The following GCNT3 variants were observed in gnomAD, a reference collection of about 807,000 sequenced individuals.
GCNT3 encodes glucosaminyl (N-acetyl) transferase 3, mucin type.
For synonymous variants in GCNT3, 269 were observed against 195.2 expected, an observed-to-expected ratio of 1.38 and a Z score of -3.15; for missense variants, 708 against 530.3, an observed-to-expected ratio of 1.34 and a Z score of -3.29.
rs2082737244 is a variant in GCNT3, at chr15:59,619,468, C to T, written c.1230C>T (p.Asn410=). ...WMLQNHHLLA[N]KFDPKVDDNA... is the part of the protein sequence containing the mutation. Reference sequence around the variant, plus strand: ...TTCAAAACCATCACCTGTTGGCCAACAAGTTTGACCCAAAGGTAGATGATA... The same window carrying T: ...TTCAAAACCATCACCTGTTGGCCAATAAGTTTGACCCAAAGGTAGATGATA... Residue 410 remains asparagine (N), a synonymous_variant, in exon 3 of 3, where the codon AAC becomes AAT. Transcript: ENST00000396065. The T allele has an allele frequency of 6.2e-7, 1 of 1,614,106 alleles. No homozygotes were observed. The highest frequency in any genetic ancestry group is 8.5e-7 in the Non-Finnish European group (1 of 1,179,988).
rs2082730343 is a variant in GCNT3 at position 59,618,467 on chromosome 15, G to A, written c.229G>A (p.Asp77Asn). 1.2e-6 allele frequency: 2 copies of A among 1,614,110 alleles called. No individual in the cohort carries two copies. ...CAACTGTTCAGGGGTCACCCGAGGG[G>A]ACCAAGAGGCAGTGCTTCAGGCTAT... is the stretch of plus-strand genomic sequence containing the variant. The part of the protein sequence containing the change: ...SINCSGVTRG[D>N]QEAVLQAILN... The change falls in exon 3 of 3, where the codon GAC becomes AAC. Residue 77 changes from aspartate (D) to asparagine (N), a missense_variant. Asp to Asn is a conservative substitution (Grantham distance 23). Transcript: ENST00000396065.
chr15:59,617,453 A>G (rs2082725149), intron 2 of GCNT3, among the ~76,000 whole-genome samples: 1 of 152,032 alleles, frequency 6.6e-6, no homozygotes, highest in African/African-American at 2.4e-5. Context: ...AATACATTTC[A>G]GATTGGTTGT....
At chr15:59,612,204 G>T (rs2082699431) in intron 1 of GCNT3, among the ~76,000 whole-genome samples, 1 of 152,170 alleles carries the variant, frequency 6.6e-6, no homozygotes, top group South Asian at 2.1e-4. Flanking sequence ...GGAACTCTTA[G>T]ACCTTTCCAC....
chr15:59,620,501 G>A lies in GCNT3; in HGVS notation c.*946G>A, dbSNP rs1431284561. On this transcript the variant is annotated 3_prime_UTR_variant, in exon 3 of 3. Transcript: ENST00000396065. ...AAATTCTAACGAAGACAGGGGAACA[G>A]GGATGGTTCTTCCATTGTTAAAAGC... 1 of 167,052 alleles carries A rather than the reference G, an allele frequency of 6.0e-6. No individual in the cohort carries two copies. Among genetic ancestry groups the A allele is most frequent in the African/African-American group, 2.4e-5 (1 of 41,434 alleles). 10.3% of individuals were successfully genotyped at this position (167,052 alleles called of 1,614,324 possible). A position where few individuals can be genotyped will look rare whatever the true frequency, so the allele number is the denominator to read the frequency against.
Position 59,616,134 on chromosome 15 carries a change from C to A in GCNT3, c.-250-558C>A, listed in dbSNP as rs149366219. 7.9e-5 allele frequency among the ~76,000 whole-genome samples: 12 copies of A among 152,278 alleles called. No homozygotes were observed. The East Asian group carries it at 2.3e-3, about 29-fold the overall frequency. On this transcript the variant is annotated intron_variant, in intron 1 of 2. Coordinates refer to ENST00000396065, the MANE Select transcript of GCNT3 (RefSeq NM_004751.3). Reference sequence around the variant, plus strand: ...CATAGACATTAGTGAGGGAGCTCTACAAACTGGAACCCTGTGGGTATTTCT... The same window carrying A: ...CATAGACATTAGTGAGGGAGCTCTAAAAACTGGAACCCTGTGGGTATTTCT...
chr15:59,619,213 T>A lies in GCNT3; in HGVS notation c.975T>A (p.Thr325=). Residue 325 remains threonine (T), a synonymous_variant, in exon 3 of 3, where the codon ACT becomes ACA. Coordinates refer to ENST00000396065, the MANE Select transcript of GCNT3 (RefSeq NM_004751.3). Reference sequence around the variant, plus strand: ...AACTGATTGAATGGGTAAAAGACACTTATAGCCCAGATGAACACCTCTGGG... The same window carrying A: ...AACTGATTGAATGGGTAAAAGACACATATAGCCCAGATGAACACCTCTGGG... The part of the protein sequence containing the change: ...SQQLIEWVKD[T]YSPDEHLWAT... 6.2e-7 allele frequency: 1 copy of A among 1,614,024 alleles called. No homozygotes were observed. The highest frequency in any genetic ancestry group is 1.1e-5 in the South Asian group (1 of 91,060).
At chr15:59,613,039 A>T (rs181642499) in intron 1 of GCNT3, among the ~76,000 whole-genome samples, 3 of 151,488 alleles carry the variant, frequency 2.0e-5, no homozygotes, top group Admixed American at 6.6e-5. Context: ...CTAGCACTGG[A>T]TCTATTTCAT....
Position 59,619,890 on chromosome 15 carries a change from T to A in GCNT3, c.*335T>A, listed in dbSNP as rs2082739618. 1 of 212,498 alleles carries A rather than the reference T, an allele frequency of 4.7e-6. No individual in the cohort carries two copies. The highest frequency in any genetic ancestry group is 1.0e-5 in the Non-Finnish European group (1 of 96,074). The allele number at this position is 212,498 out of a possible 1,614,324, so 13.2% of individuals were successfully genotyped here. On this transcript the variant is annotated 3_prime_UTR_variant, in exon 3 of 3. Coordinates refer to ENST00000396065, the MANE Select transcript of GCNT3 (RefSeq NM_004751.3). ...TGAATGCCTGCTGGTAGCTTTTCCA[T>A]TCTGTGGAGCTGCCGTTCCTAATAA...
intron 1 of GCNT3, among the ~76,000 whole-genome samples, chr15:59,615,424 GTC>G (rs1486570540): frequency 6.6e-6 from 1 of 152,128 alleles, no homozygotes; most frequent in African/African-American, 2.4e-5. Context: ...CTTCTTCGGT[GTC>G]TCTCCACCCA....
chr15:59,617,069 T>A (rs1481632255), intron 2 of GCNT3, among the ~76,000 whole-genome samples, 188 bp downstream of exon 2: 2 of 152,094 alleles, frequency 1.3e-5, no homozygotes, highest in African/African-American at 4.8e-5. Context: ...TTTTCTTTAC[T>A]GATATTCAGT....
Position 59,619,841 on chromosome 15 carries a change from T to C in GCNT3, c.*286T>C. ...TGATAGGGAGAGTGAAGGAGGGATA[T>C]GTGGTAGAGCACTTGATTTCAGTTG... On this transcript the variant is annotated 3_prime_UTR_variant, in exon 3 of 3. Transcript: ENST00000396065. 3.5e-6 allele frequency: 1 copy of C among 289,136 alleles called. No homozygotes were observed. The allele number at this position is 289,136 out of a possible 1,614,324, so 17.9% of individuals were successfully genotyped here. A position where few individuals can be genotyped will look rare whatever the true frequency, so the allele number is the denominator to read the frequency against.
intron 1 of GCNT3, among the ~76,000 whole-genome samples, chr15:59,613,506 G>A (rs1192981253): frequency 1.3e-5 from 2 of 149,882 alleles, no homozygotes. Context: ...TTCAAGACCA[G>A]CCAGGGGAAC....
rs148776476 is a variant in GCNT3, at chr15:59,619,243, C to T, written c.1005C>T (p.Thr335=). Residue 335 remains threonine (T), a synonymous_variant, in exon 3 of 3, where the codon ACC becomes ACT. Transcript: ENST00000396065. ...TYSPDEHLWA[T]LQRARWMPGS... ...GCCCAGATGAACACCTCTGGGCCAC[C>T]CTTCAGCGTGCACGGTGGATGCCTG... 72 of 1,613,926 alleles carry T rather than the reference C, an allele frequency of 4.5e-5. No homozygotes were observed. In the African/African-American group the frequency reaches 8.4e-4, roughly 19 times the overall value.
At chr15:59,617,783 T>C (rs1455451329) in intron 2 of GCNT3, among the ~76,000 whole-genome samples, 2 of 152,234 alleles carry the variant, frequency 1.3e-5, no homozygotes, top group African/African-American at 4.8e-5. Flanking sequence ...GCCAAGAGTC[T>C]GAATTTTATG....
chr15:59,622,430 A>T lies in GCNT3; in HGVS notation c.*2875A>T, dbSNP rs1040032085. On this transcript the variant is annotated 3_prime_UTR_variant, in exon 3 of 3. Coordinates refer to ENST00000396065, the MANE Select transcript of GCNT3 (RefSeq NM_004751.3). ...TCCTATTCACTTTGCTCCCAACCCC[A>T]CTACGGAGATGACTGATGACTAGTT... 1.3e-5 allele frequency: 2 copies of T among 152,114 alleles called. No homozygotes were observed. Among genetic ancestry groups the T allele is most frequent in the South Asian group, 4.1e-4 (2 of 4,828 alleles). 9.4% of individuals were successfully genotyped at this position (152,114 alleles called of 1,614,324 possible).
rs2082735604 is a variant in GCNT3, at chr15:59,619,224, A to G, written c.986A>G (p.Asp329Gly). ...IEWVKDTYSP[D>G]EHLWATLQRA... ...TGGGTAAAAGACACTTATAGCCCAG[A>G]TGAACACCTCTGGGCCACCCTTCAG... Residue 329 changes from aspartate (D) to glycine (G), a missense_variant, in exon 3 of 3, where the codon GAT (aspartate) becomes GGT (glycine). By Grantham distance (94) the Asp-to-Gly change is moderately conservative. Coordinates refer to ENST00000396065, the MANE Select transcript of GCNT3 (RefSeq NM_004751.3). 1.2e-6 allele frequency: 2 copies of G among 1,613,980 alleles called. No individual in the cohort carries two copies. Among genetic ancestry groups the G allele is most frequent in the Non-Finnish European group, 8.5e-7 (1 of 1,179,996 alleles).
rs1566908575 is a variant in GCNT3 at position 59,619,272 on chromosome 15, C to T, written c.1034C>T (p.Ser345Phe). ...TLQRARWMPG[S>F]VPNHPKYDIS... ...CAGCGTGCACGGTGGATGCCTGGCT[C>T]TGTTCCCAACCACCCCAAGTACGAC... Residue 345 changes from serine (S) to phenylalanine (F), a missense_variant, in exon 3 of 3, where the codon TCT becomes TTT. Physicochemically the swap from Ser to Phe is radical, Grantham distance 155 (BLOSUM62 -2). Transcript: ENST00000396065. 3 of 1,614,146 alleles carry T rather than the reference C, an allele frequency of 1.9e-6. No homozygotes were observed. The highest frequency in any genetic ancestry group is 1.7e-6 in the Non-Finnish European group (2 of 1,180,026).
chr15:59,616,120 G>A (rs1026571805), intron 1 of GCNT3, among the ~76,000 whole-genome samples: 2 of 152,142 alleles, frequency 1.3e-5, no homozygotes. Context: ...ATAGACATTA[G>A]TGAGGGAGCT....
chr15:59,612,549 G>A (rs1374204651), intron 1 of GCNT3, among the ~76,000 whole-genome samples: 1 of 152,180 alleles, frequency 6.6e-6, no homozygotes, highest in African/African-American at 2.4e-5. Flanking sequence ...CTTAGCAGGG[G>A]TAAAAGGAAC....
Sources: gnomAD v4.1 joint callset for allele counts (sites outside exome capture counted in the v4.1 genomes callset) on GRCh38, gnomAD v4.1.1 for gene constraint, MANE v1.5 for transcripts, NCBI Gene and HGNC (gene_info 2026-07-23, HGNC 2026-07-21) for gene names.